The following MARCHF1 variants were observed in gnomAD, a reference collection of about 807,000 sequenced individuals.
MARCHF1 encodes the protein membrane associated ring-CH-type finger 1.
In MARCHF1, 40 loss-of-function variants were observed where a neutral mutation model predicts 54.2. The observed-to-expected ratio is 0.74, with a 90% CI of 0.57 to 0.96. MARCHF1 has a LOEUF of 0.96. Ranked by LOEUF, MARCHF1 falls within the 40% of genes least tolerant of loss-of-function variation. The pLI, the probability that MARCHF1 is intolerant of heterozygous loss-of-function variation, is 0.00. For missense variants in MARCHF1, 586 were observed against 656.5 expected, an observed-to-expected ratio of 0.89 and a Z score of 1.17; for synonymous variants, 236 against 236.3, an observed-to-expected ratio of 1.00 and a Z score of 0.01.
At chr4:163,772,337 C>T (rs6853197) in intron 4 of MARCHF1, among the ~76,000 whole-genome samples, 75,357 of 151,946 alleles carry the variant, frequency 0.5, 19,115 homozygotes, top group East Asian at 0.83. Context: ...TTTTCTATTT[C>T]TGTGTAATAA....
intron 1 of MARCHF1, among the ~76,000 whole-genome samples, chr4:164,366,348 C>A (rs1420368097): frequency 6.6e-6 from 1 of 151,870 alleles, no homozygotes; most frequent in Non-Finnish European, 1.5e-5. Flanking sequence ...AGGAGAAGGG[C>A]CAGCATAGAA....
In MARCHF1 at chr4:163,612,912, T is replaced by A. The variant is rs1298206531; in HGVS notation, c.369A>T (p.Lys123Asn). ...SVIQRPRRRRKASERYEHAAE... is the reference protein window; with the variant it reads ...SVIQRPRRRRNASERYEHAAE... Reference sequence around the variant, plus strand: ...CAGCATGCTCATATCTCTCAGAGGCTTTTCTCCTCCTCCTAGGTCTTTGTA... The same window carrying A: ...CAGCATGCTCATATCTCTCAGAGGCATTTCTCCTCCTCCTAGGTCTTTGTA... The change falls in exon 7 of 10, where the codon AAA becomes AAT. Residue 123 changes from lysine to asparagine, a missense_variant. Around this residue, in one of 3 missense-constraint regions of MARCHF1, gnomAD observed 387 missense variants for 394.6 expected, o/e 0.98. Coordinates refer to ENST00000514618, the MANE Select transcript of MARCHF1 (RefSeq NM_001394959.1). 6.5e-7 allele frequency: 1 copy of A among 1,535,456 alleles called. No homozygotes were observed. Among genetic ancestry groups the A allele is most frequent in the Non-Finnish European group, 8.7e-7 (1 of 1,146,496 alleles).
At chr4:164,210,128 CT>C (rs2111114997) in intron 1 of MARCHF1, among the ~76,000 whole-genome samples, 1 of 152,238 alleles carries the variant, frequency 6.6e-6, no homozygotes, top group South Asian at 2.1e-4. Flanking sequence ...ACAAACATCA[CT>C]CTGATTATAG....
rs1219184330 is a variant in MARCHF1, at chr4:163,525,536, T to TA, written c.*3211dup. 1.3e-5 allele frequency: 2 copies of TA among 152,166 alleles called. No individual in the cohort carries two copies. The highest frequency in any genetic ancestry group is 6.6e-5 in the Admixed American group (1 of 15,262). 9.4% of individuals were successfully genotyped at this position (152,166 alleles called of 1,614,324 possible). Reference sequence around the variant, plus strand: ...TAATTGCCTTTTGGGCTTTACTTTTTAAAAAATTGGAATTTCTTTCTTTTA... The same window carrying TA: ...TAATTGCCTTTTGGGCTTTACTTTTTAAAAAAATTGGAATTTCTTTCTTTTA... On this transcript the variant is annotated 3_prime_UTR_variant, in exon 10 of 10. Transcript: ENST00000514618.
At chr4:164,062,903 G>C (rs371566247) in intron 2 of MARCHF1, among the ~76,000 whole-genome samples, 1,910 of 152,278 alleles carry the variant, frequency 0.013, 37 homozygotes, top group African/African-American at 0.043. Flanking sequence ...TGTTATGTTA[G>C]CAGCCATAAA....
At chr4:164,199,458 A>G (rs528635152) in intron 1 of MARCHF1, among the ~76,000 whole-genome samples, 1 of 152,102 alleles carries the variant, frequency 6.6e-6, no homozygotes, top group Non-Finnish European at 1.5e-5. Flanking sequence ...CCTGGCCAAC[A>G]TGGTAAAACC....
At chr4:164,002,012 A>G (rs1753195044) in intron 2 of MARCHF1, among the ~76,000 whole-genome samples, 1 of 151,856 alleles carries the variant, frequency 6.6e-6, no homozygotes, top group Non-Finnish European at 1.5e-5. Flanking sequence ...CAGAACACTC[A>G]TACCTTATAA....
At chr4:164,084,530 T>C (rs541936164) in intron 2 of MARCHF1, among the ~76,000 whole-genome samples, 1 of 152,050 alleles carries the variant, frequency 6.6e-6, no homozygotes, top group African/African-American at 2.4e-5. Context: ...TGTCATTATA[T>C]AAATGTAATA....
At chr4:164,092,597 A>G (rs1481737530) in intron 2 of MARCHF1, among the ~76,000 whole-genome samples, 1 of 152,190 alleles carries the variant, frequency 6.6e-6, no homozygotes, top group African/African-American at 2.4e-5. Flanking sequence ...TAGGACCAAT[A>G]ACCAACTTAC....
intron 3 of MARCHF1, among the ~76,000 whole-genome samples, chr4:163,897,577 C>G: frequency 6.6e-6 from 1 of 152,016 alleles, no homozygotes; most frequent in East Asian, 1.9e-4. Flanking sequence ...ATACCTACAA[C>G]CAATTGAACA....
chr4:163,725,666 A>G (rs1342210538), intron 4 of MARCHF1, among the ~76,000 whole-genome samples: 1 of 152,226 alleles, frequency 6.6e-6, no homozygotes, highest in Non-Finnish European at 1.5e-5. Context: ...AAGACAGTAT[A>G]GAACAGCATG....
chr4:164,240,568 C>T (rs1283716997), intron 1 of MARCHF1, among the ~76,000 whole-genome samples: 2 of 151,914 alleles, frequency 1.3e-5, no homozygotes, highest in African/African-American at 2.4e-5. Flanking sequence ...TCCCTTAAGT[C>T]CTTTGAAAAT....
intron 4 of MARCHF1, among the ~76,000 whole-genome samples, chr4:163,739,554 G>A (rs1276951416): frequency 6.6e-6 from 1 of 152,116 alleles, no homozygotes. Context: ...GAAATGTCAT[G>A]AACTCAAAAA....
chr4:164,320,604 C>T (rs540980595), intron 1 of MARCHF1, among the ~76,000 whole-genome samples: 11 of 152,216 alleles, frequency 7.2e-5, no homozygotes, highest in Admixed American at 2.6e-4. Context: ...CCCAGATAAA[C>T]ATATACATTA....
intron 4 of MARCHF1, among the ~76,000 whole-genome samples, chr4:163,812,619 G>A (rs553481966): frequency 2.6e-5 from 4 of 152,184 alleles, no homozygotes; most frequent in South Asian, 2.1e-4. Context: ...TTAGTCAGGC[G>A]TGGTGGTGCA....
At chr4:163,788,943 A>T (rs1443211900) in intron 4 of MARCHF1, among the ~76,000 whole-genome samples, 2 of 152,184 alleles carry the variant, frequency 1.3e-5, no homozygotes, top group East Asian at 3.9e-4. Context: ...CAATGCAAAT[A>T]TTCTGTTTCT....
chr4:163,928,955 C>T (rs1441512388), intron 3 of MARCHF1, among the ~76,000 whole-genome samples: 1 of 151,772 alleles, frequency 6.6e-6, no homozygotes, highest in East Asian at 1.9e-4. Context: ...AATAAGAGAC[C>T]TATATGTGCT....
At chr4:163,635,313 G>GT (rs1173659236) in intron 5 of MARCHF1, among the ~76,000 whole-genome samples, 3 of 148,134 alleles carry the variant, frequency 2.0e-5, no homozygotes, top group Non-Finnish European at 4.5e-5. Context: ...CCAGGAGCTG[G>GT]TTTTTTGAAA....
rs529342350 is a variant in MARCHF1, at chr4:163,881,303, C to T, written c.-38-27134G>A. Among the ~76,000 whole-genome samples, 44 of 152,174 alleles carry T rather than the reference C, an allele frequency of 2.9e-4. No individual in the cohort carries two copies. The South Asian group carries it at 6.4e-3, about 22-fold the overall frequency. ...CAGCCTGGCCAACATGGCAAAACCC[C>T]GTCTCCACTAAAAGAACAAAAATTA... On this transcript the variant is annotated intron_variant, in intron 3 of 9. Transcript: ENST00000514618.
Sources: gnomAD v4.1 joint callset for allele counts (sites outside exome capture counted in the v4.1 genomes callset) on GRCh38, gnomAD v4.1.1 for gene constraint, gnomAD v4.1.1 regional missense constraint, MANE v1.5 for transcripts, NCBI Gene and HGNC (gene_info 2026-07-23, HGNC 2026-07-21) for gene names.